The following GRM5 variants were observed in gnomAD, a reference collection of about 807,000 sequenced individuals.
GRM5 encodes the protein metabotropic glutamate receptor 5.
A neutral mutation model predicts 83.1 loss-of-function variants in GRM5; 19 were observed. The observed-to-expected ratio is 0.23, with a 90% CI of 0.16 to 0.34. The LOEUF is 0.34. Among genes scored for constraint, GRM5 ranks in the 10% least tolerant of loss-of-function variants. The probability of loss-of-function intolerance (pLI) is 1.00; values close to 1 mark genes in which losing one functional copy is unlikely to be tolerated. For synonymous variants in GRM5, 675 were observed against 633.6 expected (o/e 1.07, Z -0.98); for missense variants, 1,160 against 1,588.3 (o/e 0.73, Z 4.58).
chr11:88,628,176 C>G (rs890849893), intron 4 of GRM5, among the ~76,000 whole-genome samples: 2 of 152,180 alleles, frequency 1.3e-5, no homozygotes, highest in Admixed American at 6.6e-5. Flanking sequence ...CATGCATTCT[C>G]TACTTCTCTA....
intron 3 of GRM5, among the ~76,000 whole-genome samples, chr11:88,720,223 A>G (rs77611059): frequency 0.018 from 2,783 of 152,174 alleles, 95 homozygotes; most frequent in African/African-American, 0.063. Flanking sequence ...ACTATACACC[A>G]TCTAAGCCCT....
At chr11:88,614,176 A>G (rs1938406685) in intron 4 of GRM5, among the ~76,000 whole-genome samples, 1 of 152,152 alleles carries the variant, frequency 6.6e-6, no homozygotes, top group Non-Finnish European at 1.5e-5. Context: ...TGAACAGGGT[A>G]TGGAGATCTA....
At chr11:88,579,783 T>C (rs1943187013) in intron 7 of GRM5, among the ~76,000 whole-genome samples, 1 of 152,136 alleles carries the variant, frequency 6.6e-6, no homozygotes, top group South Asian at 2.1e-4. Context: ...TTGAATGAAA[T>C]GGGAAATCAT....
At chr11:88,948,485 CT>C (rs1228113906) in intron 2 of GRM5, among the ~76,000 whole-genome samples, 1 of 152,154 alleles carries the variant, frequency 6.6e-6, no homozygotes, top group Non-Finnish European at 1.5e-5. Flanking sequence ...ACATTATATC[CT>C]TCTTTTACAC....
At chr11:88,683,886 A>C (rs1413540058) in intron 3 of GRM5, among the ~76,000 whole-genome samples, 1 of 152,240 alleles carries the variant, frequency 6.6e-6, no homozygotes, top group Non-Finnish European at 1.5e-5. Flanking sequence ...TAGATAGATA[A>C]TATATTTAGA....
chr11:88,687,546 ACAC>A lies in GRM5; in HGVS notation c.912-34146_912-34144del, dbSNP rs1192629688. Among the ~76,000 whole-genome samples, 8 of 12,806 alleles carry A rather than the reference ACAC, an allele frequency of 6.2e-4. No individual in the cohort carries two copies. The East Asian group carries it at 8.2e-3, about 13-fold the overall frequency. The allele number at this position is 12,806 out of a possible 152,430, so 8.4% of individuals were successfully genotyped here. ...CACACATACATATATATACACACAC[ACAC>A]ACACATATATATTATATATATATAT... On this transcript the variant is annotated intron_variant, in intron 3 of 9. Coordinates refer to ENST00000305447, the MANE Select transcript of GRM5 (RefSeq NM_001143831.3).
intron 2 of GRM5, among the ~76,000 whole-genome samples, chr11:88,914,225 G>C (rs556401760): frequency 7.2e-5 from 11 of 152,274 alleles, no homozygotes; most frequent in African/African-American, 2.2e-4. Flanking sequence ...CTTCTGAAGA[G>C]TGACAGAGGG....
chr11:88,508,843 C>G lies in GRM5; in HGVS notation c.3388G>C (p.Ala1130Pro). The G allele has an allele frequency of 6.4e-7, 1 of 1,555,290 alleles. No homozygotes were observed. Among genetic ancestry groups the G allele is most frequent in the Non-Finnish European group, 8.7e-7 (1 of 1,151,568 alleles). ...TCCCCAGCCGCCTGCGCCCCTGCCG[C>G]GGGCTGCGCGCCTCCCGTGACTTCG... The part of the protein sequence containing the change: ...AIEVTGGAQP[A>P]AGAQAAGDAA... Residue 1130 changes from alanine (A) to proline (P), a missense_variant, in exon 10 of 10, where the codon GCG becomes CCG. Physicochemically the swap from Ala to Pro is conservative, Grantham distance 27. Coordinates refer to ENST00000305447, the MANE Select transcript of GRM5 (RefSeq NM_001143831.3). This position sits in a 1 kb window ranked among gnomAD's most constrained non-coding sequence, Gnocchi z 4.2.
rs77585201 is a variant in GRM5, at chr11:88,655,395, G to T, written c.912-1992C>A. ...GCAAATGGGACAGGAAGCTCTGTTT[G>T]TTCAAGCAGAGACCCATTCTCCAAG... is the stretch of plus-strand genomic sequence containing the variant. On this transcript the variant is annotated intron_variant, in intron 3 of 9. Transcript: ENST00000305447. Among the ~76,000 whole-genome samples, 1,391 of 152,098 alleles carry T rather than the reference G, an allele frequency of 9.1e-3. 25 individuals carry two copies. The highest frequency in any genetic ancestry group is 0.032 in the African/African-American group (1,317 of 41,522).
rs980418551 is a variant in GRM5 at position 88,788,888 on chromosome 11, G to A, written c.911+61018C>T. ...AAAACGTGTGAAATCCTAGGTGAAG[G>A]ATGAACGCCTCCTCAATTGACAGTT... is the stretch of plus-strand genomic sequence containing the variant. On this transcript the variant is annotated intron_variant, in intron 3 of 9. Transcript: ENST00000305447. Among the ~76,000 whole-genome samples, 7 of 152,242 alleles carry A rather than the reference G, an allele frequency of 4.6e-5. 1 individual carries two copies. The South Asian group carries it at 6.2e-4, about 14-fold the overall frequency.
chr11:88,598,860 T>C (rs1937894865), intron 5 of GRM5, among the ~76,000 whole-genome samples: 1 of 152,226 alleles, frequency 6.6e-6, no homozygotes, highest in Non-Finnish European at 1.5e-5. Flanking sequence ...AAATGAGCTG[T>C]CAACTCTGTT....
intron 8 of GRM5, among the ~76,000 whole-genome samples, chr11:88,560,398 C>T (rs2135160866): frequency 6.6e-6 from 1 of 152,136 alleles, no homozygotes; most frequent in South Asian, 2.1e-4. Flanking sequence ...GTTTCTAATC[C>T]TGCCTTTCCT....
At chr11:88,938,832 A>G (rs1167700561) in intron 2 of GRM5, among the ~76,000 whole-genome samples, 2 of 151,698 alleles carry the variant, frequency 1.3e-5, no homozygotes, top group Non-Finnish European at 3.0e-5. Flanking sequence ...AAGCTTACAT[A>G]TATTTTTGAT....
rs57613173 is a variant in GRM5, at chr11:88,705,612, G to GTT, written c.912-52211_912-52210dup. 1.7e-3 allele frequency among the ~76,000 whole-genome samples: 247 copies of GTT among 148,688 alleles called. 1 individual carries two copies. Among genetic ancestry groups the GTT allele is most frequent in the Non-Finnish European group, 2.4e-3 (163 of 67,272 alleles). ...CTGAGTAGAGCAGGGTTTTTTGTTT[G>GTT]TTTTTTTTTCTCCTACCTTGCTGCC... is the stretch of plus-strand genomic sequence containing the variant. On this transcript the variant is annotated intron_variant, in intron 3 of 9. Transcript: ENST00000305447.
At chr11:88,988,290 C>T (rs7117646) in intron 2 of GRM5, among the ~76,000 whole-genome samples, 91,593 of 150,792 alleles carry the variant, frequency 0.61, 29,154 homozygotes, top group African/African-American at 0.81. Context: ...TGAAATGAAG[C>T]GAGAAGGGAA....
At chr11:89,017,869 C>T (rs1046943995) in intron 2 of GRM5, among the ~76,000 whole-genome samples, 13 of 152,130 alleles carry the variant, frequency 8.5e-5, no homozygotes, top group African/African-American at 2.7e-4. Context: ...GTGACCCAAG[C>T]ATTTAGATAA....
At chr11:88,587,325 TGGA>T (rs1434019857) in intron 7 of GRM5, among the ~76,000 whole-genome samples, 4 of 152,058 alleles carry the variant, frequency 2.6e-5, no homozygotes, top group Admixed American at 2.0e-4. Context: ...ACATTCCAGG[TGGA>T]GAAGACAATA....
At chr11:88,778,250 A>C (rs760517697) in intron 3 of GRM5, among the ~76,000 whole-genome samples, 2 of 152,216 alleles carry the variant, frequency 1.3e-5, no homozygotes, top group Non-Finnish European at 2.9e-5. Context: ...TGGGCGTGCG[A>C]CCTGCTTAGC....
At chr11:88,827,265 C>T (rs12282226) in intron 3 of GRM5, among the ~76,000 whole-genome samples, 3,876 of 152,266 alleles carry the variant, frequency 0.025, 172 homozygotes, top group African/African-American at 0.089. Flanking sequence ...CTGACCTCAT[C>T]TGGCACTACT....
Sources: allele counts gnomAD v4.1 joint callset (sites outside exome capture counted in the v4.1 genomes callset), GRCh38; gene constraint gnomAD v4.1.1; non-coding constraint Gnocchi (gnomAD v3.1); transcripts MANE v1.5; gene names NCBI Gene and HGNC (gene_info 2026-07-23, HGNC 2026-07-21).